LYZ: variants seen among roughly 807,000 people sequenced by gnomAD.
The protein encoded by LYZ is lysozyme C.
LYZ carries 18 observed loss-of-function variants against 15.8 expected under a neutral mutation model. That is an observed-to-expected ratio of 1.14 (90% confidence interval 0.79 to 1.69). The LOEUF (loss-of-function observed/expected upper bound fraction) is 1.69. LYZ is among the 40% of genes most tolerant of loss of function. LYZ has a pLI of 0.00. For synonymous variants in LYZ, 60 were observed against 61.7 expected (o/e 0.97, Z 0.13); for missense variants, 139 against 182.8 (o/e 0.76, Z 1.38).
chr12:69,352,461 C>T (rs1474461407), intron 3 of LYZ, among the ~76,000 whole-genome samples, 163 bp downstream of exon 3: 5 of 152,208 alleles, frequency 3.3e-5, no homozygotes, highest in Non-Finnish European at 5.9e-5. Flanking sequence ...AAACAATCTA[C>T]TTTAACTGAT....
chr12:69,352,028 G>A (rs540509233), intron 2 of LYZ, among the ~76,000 whole-genome samples, 192 bp from the exon 3 acceptor site: 7 of 152,078 alleles, frequency 4.6e-5, no homozygotes, highest in African/African-American at 1.7e-4. Flanking sequence ...GGTAAATGAA[G>A]AAAAAAATGC....
At position 69,353,494 on chromosome 12, in the gene LYZ, G is replaced by GTTATTTTT; in HGVS notation, c.*277_*278insATTTTTTT. 4.7e-6 allele frequency: 1 copy of GTTATTTTT among 211,306 alleles called. No individual in the cohort carries two copies. The allele number at this position is 211,306 out of a possible 1,614,324, so 13.1% of individuals were successfully genotyped here. On this transcript the variant is annotated 3_prime_UTR_variant, in exon 4 of 4. Transcript: ENST00000261267. ...ATCAAATACATCTCCAGTACATTCCGTTCTTTTTTTTTTTGAGACAGTCTC... is the reference window on the plus strand; with the variant it reads ...ATCAAATACATCTCCAGTACATTCCGTTATTTTTTTCTTTTTTTTTTTGAGACAGTCTC...
intron 3 of LYZ, 128 bp from the exon 4 acceptor site, chr12:69,353,025 A>G: frequency 1.3e-6 from 1 of 742,836 alleles, no homozygotes. Flanking sequence ...ATAAATAGCA[A>G]TAGCTGGGTC....
At chr12:69,352,117 A>G in intron 2 of LYZ, 103 bp from the exon 3 acceptor site, 1 of 740,324 alleles carries the variant, frequency 1.4e-6, no homozygotes, top group Non-Finnish European at 2.4e-6. Flanking sequence ...AGAAAATAAT[A>G]TCTTACCATT....
chr12:69,349,402 A>G (rs374024821), intron 1 of LYZ, among the ~76,000 whole-genome samples: 1 of 152,364 alleles, frequency 6.6e-6, no homozygotes, highest in Admixed American at 6.5e-5. Flanking sequence ...TTTGTATAGG[A>G]TCCCAGAAAC....
Position 69,350,292 on chromosome 12 carries a change from G to A in LYZ, c.301+20G>A, listed in dbSNP as rs199649408. ...GCAGTGGTAAGACAAGCTAATATTT[G>A]ACCAATCTGGTTATACTTACAAGAA... On this transcript the variant is annotated intron_variant, in intron 2 of 3. Coordinates refer to ENST00000261267, the MANE Select transcript of LYZ (RefSeq NM_000239.3). The A allele has an allele frequency of 6.2e-7, 1 of 1,613,450 alleles. No individual in the cohort carries two copies. Among genetic ancestry groups the A allele is most frequent in the Non-Finnish European group, 8.5e-7 (1 of 1,179,544 alleles).
chr12:69,352,496 C>T (rs1874864333), intron 3 of LYZ, among the ~76,000 whole-genome samples, 198 bp downstream of exon 3: 1 of 152,216 alleles, frequency 6.6e-6, no homozygotes, highest in Non-Finnish European at 1.5e-5. Context: ...TTTTACTCCT[C>T]AATTTATTTT....
At chr12:69,352,141 A>G in intron 2 of LYZ, 79 bp from the exon 3 acceptor site, 1 of 913,344 alleles carries the variant, frequency 1.1e-6, no homozygotes, top group Non-Finnish European at 1.8e-6. Context: ...TCCACAGCCT[A>G]ACAGAAAAAA....
intron 2 of LYZ, 184 bp downstream of exon 2, chr12:69,350,456 GTT>G: frequency 3.2e-6 from 2 of 624,628 alleles, no homozygotes; most frequent in Non-Finnish European, 5.5e-6. Flanking sequence ...ATCATAAAAG[GTT>G]GATGTTTTTT....
In LYZ at chr12:69,353,622, G is replaced by T. The variant is rs1874896126; in HGVS notation, c.*403G>T. On this transcript the variant is annotated 3_prime_UTR_variant, in exon 4 of 4. Transcript: ENST00000261267. ...TCCTGCCTCAGCCTCCCGAGTAGCTGGGATTACGGGCGCCCGCCACCACGC... is the reference window on the plus strand; with the variant it reads ...TCCTGCCTCAGCCTCCCGAGTAGCTTGGATTACGGGCGCCCGCCACCACGC... 1 of 230,172 alleles carries T rather than the reference G, an allele frequency of 4.3e-6. No homozygotes were observed. The highest frequency in any genetic ancestry group is 5.3e-5 in the Admixed American group (1 of 18,776). 14.3% of individuals were successfully genotyped at this position (230,172 alleles called of 1,614,324 possible).
In LYZ at chr12:69,352,595, C is replaced by T. The variant is rs150612478; in HGVS notation, c.380+297C>T. 6.8e-4 allele frequency among the ~76,000 whole-genome samples: 103 copies of T among 152,268 alleles called. 1 individual carries two copies. The Middle Eastern group carries it at 0.01, about 15-fold the overall frequency. On this transcript the variant is annotated intron_variant, in intron 3 of 3. Transcript: ENST00000261267. ...CTTTTTAGAATAAGTAAGTGTGGGC[C>T]GGGCACAGTGGCTCACGCCTGTAAT... is the stretch of plus-strand genomic sequence containing the variant.
Position 69,350,107 on chromosome 12 carries a change from G to A in LYZ, c.137-1G>A. 1 of 1,614,002 alleles carries A rather than the reference G, an allele frequency of 6.2e-7. No individual in the cohort carries two copies. The highest frequency in any genetic ancestry group is 1.1e-5 in the South Asian group (1 of 91,064). On this transcript the variant is annotated splice_acceptor_variant, in intron 1 of 3. Coordinates refer to ENST00000261267, the MANE Select transcript of LYZ (RefSeq NM_000239.3). LOFTEE classifies it high-confidence loss of function. ...TATTACTAAAAATAAGTTCTTTTCA[G>A]GGATGTGTTTGGCCAAATGGGAGAG...
In LYZ at chr12:69,353,485, G is replaced by A. The variant is rs188313797; in HGVS notation, c.*266G>A. The A allele has an allele frequency of 1.6e-3, 541 of 332,832 alleles. 3 individuals carry two copies. The African/African-American group carries it at 0.02, about 12-fold the overall frequency. 20.6% of individuals were successfully genotyped at this position (332,832 alleles called of 1,614,324 possible). On this transcript the variant is annotated 3_prime_UTR_variant, in exon 4 of 4. Coordinates refer to ENST00000261267, the MANE Select transcript of LYZ (RefSeq NM_000239.3). ...ACCTTGGTTATCAAATACATCTCCA[G>A]TACATTCCGTTCTTTTTTTTTTTGA...
chr12:69,349,777 C>T (rs1279630423), intron 1 of LYZ, among the ~76,000 whole-genome samples: 2 of 152,174 alleles, frequency 1.3e-5, no homozygotes, highest in African/African-American at 4.8e-5. Flanking sequence ...ACAAAATCTA[C>T]TCAACAGCTC....
chr12:69,350,412 C>T (rs571477475), intron 2 of LYZ, 140 bp downstream of exon 2: 2 of 806,206 alleles, frequency 2.5e-6, no homozygotes, highest in Non-Finnish European at 4.1e-6. Context: ...TTATTTTCCT[C>T]ATAATTCCCT....
chr12:69,350,444 G>A (rs1874818273), intron 2 of LYZ, 172 bp downstream of exon 2: 1 of 663,840 alleles, frequency 1.5e-6, no homozygotes. Flanking sequence ...TAAAGAAGTG[G>A]TATCATAAAA....
rs1270690668 is a variant in LYZ at position 69,348,481 on chromosome 12, G to A, written c.73G>A (p.Glu25Lys). ...CCAGGGCAAGGTCTTTGAAAGGTGT[G>A]AGTTGGCCAGAACTCTGAAAAGATT... ...TVQGKVFERC[E>K]LARTLKRLGM... Residue 25 changes from glutamate (E) to lysine (K), a missense_variant, in exon 1 of 4, where the codon GAG (glutamate) becomes AAG (lysine). Coordinates refer to ENST00000261267, the MANE Select transcript of LYZ (RefSeq NM_000239.3). 6.2e-7 allele frequency: 1 copy of A among 1,614,058 alleles called. No individual in the cohort carries two copies. Among genetic ancestry groups the A allele is most frequent in the Non-Finnish European group, 8.5e-7 (1 of 1,180,038 alleles).
chr12:69,351,382 T>G (rs1036980464), intron 2 of LYZ, among the ~76,000 whole-genome samples: 1 of 151,390 alleles, frequency 6.6e-6, no homozygotes, highest in African/African-American at 2.4e-5. Flanking sequence ...TTAAAAAAAT[T>G]TATATTATAT....
At chr12:69,350,384 AC>A in intron 2 of LYZ, 112 bp downstream of exon 2, 1 of 1,020,426 alleles carries the variant, frequency 9.8e-7, no homozygotes, top group Non-Finnish European at 1.5e-6. Context: ...CTACATCTCA[AC>A]TTCCAGAAAG....
Sources: gnomAD v4.1 joint callset for allele counts (sites outside exome capture counted in the v4.1 genomes callset) on GRCh38, gnomAD v4.1.1 for gene constraint, MANE v1.5 for transcripts, NCBI Gene and HGNC (gene_info 2026-07-23, HGNC 2026-07-21) for gene names.